Variants in DMRT2 observed in about 807,000 individuals in gnomAD.
The protein encoded by DMRT2 is doublesex and mab-3 related transcription factor 2.
A neutral mutation model predicts 43.5 loss-of-function variants in DMRT2; 33 were observed. That is an observed-to-expected ratio of 0.76 (90% CI 0.58 to 1.01). The LOEUF (loss-of-function observed/expected upper bound fraction) is 1.01. DMRT2 is among the 50% of genes least tolerant of loss of function. The probability of loss-of-function intolerance (pLI) is 0.00; values close to 1 mark genes in which losing one functional copy is unlikely to be tolerated. For missense variants in DMRT2, 1,064 were observed against 748.0 expected, an observed-to-expected ratio of 1.42 and a Z score of -4.93; for synonymous variants, 395 against 309.2, an observed-to-expected ratio of 1.28 and a Z score of -2.91.
rs936764788 is a variant in DMRT2 at position 1,051,904 on chromosome 9, C to T, written c.291C>T (p.Ala97=). The change falls in exon 2 of 4, where the codon GCC becomes GCT. Residue 97 remains alanine, a synonymous_variant. Transcript: ENST00000358146. The surrounding 1 kb of genome is among the most constrained non-coding windows in gnomAD (Gnocchi z 5.9). The part of the protein sequence containing the change: ...RPPLAPQASP[A]GTGPRERCTP... ...CGCTCGCGCCTCAGGCCTCACCCGC[C>T]GGCACCGGTCCCCGAGAGCGCTGCA... 5 of 1,361,654 alleles carry T rather than the reference C, an allele frequency of 3.7e-6. No homozygotes were observed. The highest frequency in any genetic ancestry group is 3.1e-5 in the African/African-American group (2 of 64,992). The allele number at this position is 1,361,654 out of a possible 1,614,324, so 84.3% of individuals were successfully genotyped here.
At position 1,053,915 on chromosome 9, in the gene DMRT2, A is replaced by G. The variant is rs755589387; in HGVS notation, c.628+91A>G. On this transcript the variant is annotated intron_variant, in intron 3 of 3. Coordinates refer to ENST00000358146, the MANE Select transcript of DMRT2 (RefSeq NM_181872.6). ...AAGTGTGTTTATTAATCTGTGAAAGAGCTATCTAAAGGGAAAGTACTTTTT... is the reference window on the plus strand; with the variant it reads ...AAGTGTGTTTATTAATCTGTGAAAGGGCTATCTAAAGGGAAAGTACTTTTT... 7 of 1,088,550 alleles carry G rather than the reference A, an allele frequency of 6.4e-6. No individual in the cohort carries two copies. In the Middle Eastern group the frequency reaches 1.4e-3, roughly 212 times the overall value. 67.4% of individuals were successfully genotyped at this position (1,088,550 alleles called of 1,614,324 possible). A position where few individuals can be genotyped will look rare whatever the true frequency, so the allele number is the denominator to read the frequency against.
intron 3 of DMRT2, chr9:1,055,980 C>T (rs1821956313): frequency 1.4e-6 from 2 of 1,405,902 alleles, no homozygotes; most frequent in African/African-American, 2.9e-5. Context: ...ACAACCACAA[C>T]AAGCAACAAG....
At position 1,056,711 on chromosome 9, in the gene DMRT2, G is replaced by A; in HGVS notation, c.1124G>A (p.Ser375Asn). ...TSVQALKPGA[S>N]WDLKGARVQD... ...GTTCAAGCCCTGAAGCCTGGGGCCA[G>A]CTGGGACTTGAAGGGAGCACGAGTC... Residue 375 changes from serine to asparagine, a missense_variant, in exon 4 of 4, where the codon AGC becomes AAC. Physicochemically the swap from Ser to Asn is conservative, Grantham distance 46. Transcript: ENST00000358146. 1 of 1,614,170 alleles carries A rather than the reference G, an allele frequency of 6.2e-7. No homozygotes were observed. The highest frequency in any genetic ancestry group is 8.5e-7 in the Non-Finnish European group (1 of 1,180,038).
rs995944842 is a variant in DMRT2, at chr9:1,057,342, T to A, written c.*69T>A. 1.8e-5 allele frequency: 27 copies of A among 1,473,796 alleles called. No individual in the cohort carries two copies. The highest frequency in any genetic ancestry group is 6.8e-5 in the East Asian group (3 of 43,836). The allele number at this position is 1,473,796 out of a possible 1,614,324, so 91.3% of individuals were successfully genotyped here. On this transcript the variant is annotated 3_prime_UTR_variant, in exon 4 of 4. Transcript: ENST00000358146. ...CATTATAGCCATTTGCTACTTTTTTTAAAAGTTAAGATGTTTGTGTAAAGA... is the reference window on the plus strand; with the variant it reads ...CATTATAGCCATTTGCTACTTTTTTAAAAAGTTAAGATGTTTGTGTAAAGA...
At chr9:1,054,487 T>C (rs1000277493) in intron 3 of DMRT2, 40 of 151,990 alleles carry the variant, frequency 2.6e-4, no homozygotes, top group African/African-American at 9.4e-4. Context: ...ACAGTCAAGG[T>C]TATAGAATCT....
At chr9:1,056,168 A>G in intron 3 of DMRT2, 48 bp from the exon 4 acceptor site, 1 of 1,543,888 alleles carries the variant, frequency 6.5e-7, no homozygotes, top group Non-Finnish European at 8.7e-7. Context: ...CCACATTTTT[A>G]TTCCGTAGAT....
Position 1,056,501 on chromosome 9 carries a change from C to G in DMRT2, c.914C>G (p.Thr305Ser). ...PSKDFCNFLP[T>S]CLDLTMQYSG... ...AAGGACTTCTGTAATTTTTTGCCCACCTGCCTTGATTTAACCATGCAGTAT... is the reference window on the plus strand; with the variant it reads ...AAGGACTTCTGTAATTTTTTGCCCAGCTGCCTTGATTTAACCATGCAGTAT... The change falls in exon 4 of 4, where the codon ACC becomes AGC. Residue 305 changes from threonine (T) to serine (S), a missense_variant. Coordinates refer to ENST00000358146, the MANE Select transcript of DMRT2 (RefSeq NM_181872.6). 6.2e-7 allele frequency: 1 copy of G among 1,614,210 alleles called. No homozygotes were observed.
chr9:1,057,248 C>G lies in DMRT2; in HGVS notation c.1661C>G (p.Ser554Cys). Residue 554 changes from serine (S) to cysteine (C), a missense_variant, in exon 4 of 4, where the codon TCT (serine) becomes TGT (cysteine). Transcript: ENST00000358146. ...SVESILKRPS[S>C]AITRVSQ is the part of the protein sequence containing the mutation. ...GAGTCTATTCTTAAGAGGCCTTCAT[C>G]TGCCATCACTCGTGTCTCTCAGTGA... 6.2e-7 allele frequency: 1 copy of G among 1,611,836 alleles called. No homozygotes were observed. Among genetic ancestry groups the G allele is most frequent in the Middle Eastern group, 1.7e-4 (1 of 6,040 alleles).
At position 1,052,075 on chromosome 9, in the gene DMRT2, G is replaced by T. The variant is rs372312394; in HGVS notation, c.462G>T (p.Leu154=). Residue 154 remains leucine, a synonymous_variant, in exon 2 of 4, where the codon CTG becomes CTT. Transcript: ENST00000358146. ...ACTGCCAGTGCGCCAACTGCCTGCT[G>T]GTGGTGGAGCGGCAGCGCGTCATGG... ...WRDCQCANCL[L]VVERQRVMAA... is the part of the protein sequence containing the mutation. The T allele has an allele frequency of 7.9e-4, 1,157 of 1,461,652 alleles. 12 individuals are homozygous for T. In the African/African-American group the frequency reaches 0.014, roughly 18 times the overall value. The allele number at this position is 1,461,652 out of a possible 1,614,324, so 90.5% of individuals were successfully genotyped here. A position where few individuals can be genotyped will look rare whatever the true frequency, so the allele number is the denominator to read the frequency against.
At chr9:1,055,908 G>T in intron 3 of DMRT2, 2 of 1,430,614 alleles carry the variant, frequency 1.4e-6, no homozygotes, top group Non-Finnish European at 1.8e-6. Context: ...GGCCTGGGAA[G>T]AATATTAAAA....
intron 2 of DMRT2, chr9:1,053,019 GC>G (rs1821712009): frequency 6.6e-6 from 1 of 152,338 alleles, no homozygotes; most frequent in Non-Finnish European, 1.5e-5. Context: ...GACGCCATGG[GC>G]ACCTGGTCCT....
At chr9:1,053,229 CTCA>C (rs1265480944) in intron 2 of DMRT2, 1 of 152,936 alleles carries the variant, frequency 6.5e-6, no homozygotes, top group Non-Finnish European at 1.5e-5. Flanking sequence ...CCAGGAGACC[CTCA>C]TCTCTTCATT....
rs895908733 is a variant in DMRT2 at position 1,054,369 on chromosome 9, C to A, written c.628+545C>A. Among the ~76,000 whole-genome samples, 7 of 151,020 alleles carry A rather than the reference C, an allele frequency of 4.6e-5. No homozygotes were observed. The East Asian group carries it at 1.4e-3, about 29-fold the overall frequency. ...CTCGCAACCAGTAAAGCCGTTTAGTCTGGAAGTTCAACCTCAGATTCCGCT... is the reference window on the plus strand; with the variant it reads ...CTCGCAACCAGTAAAGCCGTTTAGTATGGAAGTTCAACCTCAGATTCCGCT... On this transcript the variant is annotated intron_variant, in intron 3 of 3. Coordinates refer to ENST00000358146, the MANE Select transcript of DMRT2 (RefSeq NM_181872.6).
chr9:1,055,321 G>A (rs1362692444), intron 3 of DMRT2, among the ~76,000 whole-genome samples: 3 of 152,184 alleles, frequency 2.0e-5, no homozygotes, highest in Admixed American at 2.0e-4. Context: ...AATACTCCAA[G>A]TATTTTATGC....
At chr9:1,053,523 C>T (rs906773) in intron 2 of DMRT2, among the ~76,000 whole-genome samples, 199 bp from the exon 3 acceptor site, 51,128 of 151,908 alleles carry the variant, frequency 0.34, 10,258 homozygotes, top group African/African-American at 0.57. Context: ...AGCTCACCAG[C>T]TGAGGTTCCA....
chr9:1,057,383 G>T lies in DMRT2; in HGVS notation c.*110G>T. 7.6e-7 allele frequency: 1 copy of T among 1,320,360 alleles called. No homozygotes were observed. The highest frequency in any genetic ancestry group is 1.0e-6 in the Non-Finnish European group (1 of 989,284). The allele number at this position is 1,320,360 out of a possible 1,614,324, so 81.8% of individuals were successfully genotyped here. A position where few individuals can be genotyped will look rare whatever the true frequency, so the allele number is the denominator to read the frequency against. On this transcript the variant is annotated 3_prime_UTR_variant, in exon 4 of 4. Transcript: ENST00000358146. ...TGTGTAAAGAAATTTCTAATGTAAAGATGATGATTTTGAAAAATTTTATAT... is the reference window on the plus strand; with the variant it reads ...TGTGTAAAGAAATTTCTAATGTAAATATGATGATTTTGAAAAATTTTATAT...
chr9:1,052,677 T>C (rs7867675), intron 2 of DMRT2, among the ~76,000 whole-genome samples: 23,857 of 151,972 alleles, frequency 0.16, 2,088 homozygotes, highest in South Asian at 0.22. Flanking sequence ...CAGCCCAAGG[T>C]CATCAATCCG....
At chr9:1,052,284 C>A in intron 2 of DMRT2, 146 bp downstream of exon 2, 1 of 555,494 alleles carries the variant, frequency 1.8e-6, no homozygotes, top group Non-Finnish European at 2.7e-6. Context: ...CGCTTTTCTG[C>A]TTGCACTGGC....
Position 1,057,022 on chromosome 9 carries a change from C to G in DMRT2, c.1435C>G (p.Leu479Val), listed in dbSNP as rs772694365. The G allele has an allele frequency of 1.2e-6, 2 of 1,614,212 alleles. No homozygotes were observed. Among genetic ancestry groups the G allele is most frequent in the Non-Finnish European group, 1.7e-6 (2 of 1,180,038 alleles). Residue 479 changes from leucine to valine, a missense_variant, in exon 4 of 4, where the codon CTT (leucine) becomes GTT (valine). Physicochemically the swap from Leu to Val is conservative, Grantham distance 32. Coordinates refer to ENST00000358146, the MANE Select transcript of DMRT2 (RefSeq NM_181872.6). ...ATTCCACTCATTATTCCAGCAAACA[C>G]TTACTGACAAATCGGGTCCTGAGTT... Reference protein sequence around the residue: ...NPFHSLFQQTLTDKSGPELKT... With the variant: ...NPFHSLFQQTVTDKSGPELKT...
Sources: gnomAD v4.1 joint callset for allele counts (sites outside exome capture counted in the v4.1 genomes callset) on GRCh38, gnomAD v4.1.1 for gene constraint, Gnocchi (gnomAD v3.1) non-coding constraint, MANE v1.5 for transcripts, NCBI Gene and HGNC (gene_info 2026-07-23, HGNC 2026-07-21) for gene names.